The following SERINC5 variants were observed in gnomAD, a reference collection of about 807,000 sequenced individuals.
SERINC5 encodes the protein chromosome 5 open reading frame 12.
Under a neutral mutation model 63.1 loss-of-function variants are expected in SERINC5, and 41 were observed. The ratio of observed to expected loss-of-function variants is 0.65; its 90% CI spans 0.51 to 0.84. The LOEUF (loss-of-function observed/expected upper bound fraction) is 0.84, where lower values mean the gene tolerates loss of function less well. SERINC5 is among the 40% of genes least tolerant of loss of function. SERINC5 has a pLI of 0.00. For missense variants in SERINC5, 523 were observed against 573.0 expected, an observed-to-expected ratio of 0.91 and a Z score of 0.89; for synonymous variants, 222 against 215.2, an observed-to-expected ratio of 1.03 and a Z score of -0.28.
chr5:80,180,663 G>A (rs1273706291), intron 2 of SERINC5, among the ~76,000 whole-genome samples: 1 of 152,184 alleles, frequency 6.6e-6, no homozygotes, highest in Non-Finnish European at 1.5e-5. Context: ...GGGGCAGGTG[G>A]TGAGGCAAAT....
At chr5:80,114,441 G>C in intron 11 of SERINC5, 1 of 160,758 alleles carries the variant, frequency 6.2e-6, no homozygotes, top group South Asian at 1.3e-4. Context: ...ATCACTTGAG[G>C]TCAGGAGTTC....
At position 80,125,006 on chromosome 5, in the gene SERINC5, T is replaced by C. The variant is rs1744694011; in HGVS notation, c.1239-11381A>G. ...GACATCCCAATAGGGGTCCACTCCA[T>C]TCCTGATGGCACAGTGAGACAGTTG... On this transcript the variant is annotated intron_variant, in intron 11 of 12. Transcript: ENST00000509193. Among the ~76,000 whole-genome samples, 3 of 152,200 alleles carry C rather than the reference T, an allele frequency of 2.0e-5. 1 individual carries two copies. In the South Asian group the frequency reaches 6.2e-4, roughly 32 times the overall value.
intron 2 of SERINC5, among the ~76,000 whole-genome samples, chr5:80,184,153 A>G (rs1162208282): frequency 6.6e-6 from 1 of 152,198 alleles, no homozygotes; most frequent in African/African-American, 2.4e-5. Context: ...AGCTACATTC[A>G]TGGAGAAGCC....
chr5:80,171,983 T>C (rs956369434), intron 5 of SERINC5, among the ~76,000 whole-genome samples: 6 of 152,254 alleles, frequency 3.9e-5, no homozygotes, highest in African/African-American at 1.2e-4. Context: ...ATATAACATA[T>C]ATGTATCAAA....
chr5:80,200,999 T>G (rs1365529728), intron 2 of SERINC5, among the ~76,000 whole-genome samples: 1 of 151,970 alleles, frequency 6.6e-6, no homozygotes, highest in African/African-American at 2.4e-5. Context: ...CTCGGGAGGC[T>G]GAGGTGGGAG....
At chr5:80,216,196 G>A (rs1451843345) in intron 1 of SERINC5, among the ~76,000 whole-genome samples, 6 of 152,166 alleles carry the variant, frequency 3.9e-5, no homozygotes, top group Non-Finnish European at 8.8e-5. Context: ...CTGGGGGCCA[G>A]AAAATTCTTT....
At chr5:80,178,112 T>TG in intron 2 of SERINC5, 48 bp from the exon 3 acceptor site, 1 of 1,342,868 alleles carries the variant, frequency 7.4e-7, no homozygotes, top group Non-Finnish European at 1.0e-6. Context: ...GAGTGAGAGG[T>TG]GGACTGTCAC....
intron 8 of SERINC5, among the ~76,000 whole-genome samples, chr5:80,155,368 C>T (rs1472887654): frequency 2.6e-5 from 4 of 152,130 alleles, no homozygotes; most frequent in Admixed American, 2.6e-4. Flanking sequence ...AGTTCGAGAC[C>T]AGCCTGACCA....
intron 1 of SERINC5, among the ~76,000 whole-genome samples, chr5:80,244,118 A>G (rs958310658): frequency 1.3e-5 from 2 of 152,032 alleles, no homozygotes; most frequent in African/African-American, 2.4e-5. Flanking sequence ...CTTTTATCTT[A>G]AAAGATAATA....
At chr5:80,222,794 G>A (rs1007298653) in intron 1 of SERINC5, among the ~76,000 whole-genome samples, 50 of 152,020 alleles carry the variant, frequency 3.3e-4, no homozygotes, top group Non-Finnish European at 5.6e-4. Flanking sequence ...GGCTGGTCTC[G>A]AACTCCTGGC....
At chr5:80,234,710 G>T (rs868544017) in intron 1 of SERINC5, among the ~76,000 whole-genome samples, 1 of 152,114 alleles carries the variant, frequency 6.6e-6, no homozygotes, top group South Asian at 2.1e-4. Flanking sequence ...TGTAACCACC[G>T]GTGGCAGTTT....
chr5:80,222,561 A>AGTGTGTGTGTGTGTGTGTGTGT (rs752186814), intron 1 of SERINC5, among the ~76,000 whole-genome samples: 16 of 146,314 alleles, frequency 1.1e-4, no homozygotes, highest in South Asian at 4.3e-4. Flanking sequence ...TGAGTGTGTG[A>AGTGTGTGTGTGTGTGTGTGTGT]GTGTGTGAGT....
intron 1 of SERINC5, among the ~76,000 whole-genome samples, chr5:80,247,304 C>T (rs766763453): frequency 6.6e-6 from 1 of 152,162 alleles, no homozygotes; most frequent in Non-Finnish European, 1.5e-5. Flanking sequence ...GTAAAGCTTC[C>T]GTGTCTCATA....
chr5:80,209,984 A>G, intron 1 of SERINC5, among the ~76,000 whole-genome samples: 1 of 151,574 alleles, frequency 6.6e-6, no homozygotes, highest in East Asian at 2.0e-4. Context: ...AGCTGGGACC[A>G]CGGGTCGAGG....
intron 1 of SERINC5, among the ~76,000 whole-genome samples, chr5:80,251,965 T>A (rs559810436): frequency 1.6e-5 from 1 of 62,688 alleles, no homozygotes; most frequent in East Asian, 9.1e-4. Context: ...CCAATCCCTA[T>A]TGTCAAACTG....
intron 1 of SERINC5, among the ~76,000 whole-genome samples, chr5:80,209,223 A>G (rs1198716246): frequency 2.0e-5 from 3 of 152,186 alleles, no homozygotes; most frequent in African/African-American, 7.2e-5. Flanking sequence ...GTGAGCCGAG[A>G]TCGCGCCACT....
chr5:80,232,561 G>C (rs1307519701), intron 1 of SERINC5, among the ~76,000 whole-genome samples: 1 of 151,656 alleles, frequency 6.6e-6, no homozygotes, highest in Non-Finnish European at 1.5e-5. Context: ...CAAGGCGGGT[G>C]GATCATGAGG....
chr5:80,241,463 G>T (rs1038753260), intron 1 of SERINC5, among the ~76,000 whole-genome samples: 1 of 152,008 alleles, frequency 6.6e-6, no homozygotes, highest in Admixed American at 6.6e-5. Context: ...GCAAGACTCC[G>T]TCTCAAATAA....
At chr5:80,169,582 A>G in intron 5 of SERINC5, 36 bp from the exon 6 acceptor site, 2 of 1,554,844 alleles carry the variant, frequency 1.3e-6, no homozygotes, top group South Asian at 1.1e-5. Flanking sequence ...GGGAGAGGAG[A>G]GAAGACAAGT....
Sources: gnomAD v4.1 joint callset for allele counts (sites outside exome capture counted in the v4.1 genomes callset) on GRCh38, gnomAD v4.1.1 for gene constraint, MANE v1.5 for transcripts, NCBI Gene and HGNC (gene_info 2026-07-23, HGNC 2026-07-21) for gene names.